The following SCARA5 variants were observed in gnomAD, a reference collection of about 807,000 sequenced individuals.
The protein encoded by SCARA5 is scavenger receptor class A member 5, also known as scavenger receptor class A, member 5 (putative).
In SCARA5, 45 loss-of-function variants were observed where a neutral mutation model predicts 46.3. The observed-to-expected ratio is 0.97, with a 90% CI of 0.76 to 1.24. The LOEUF (loss-of-function observed/expected upper bound fraction) is 1.24, where lower values mean the gene tolerates loss of function less well. Ranked by LOEUF, SCARA5 falls within the 50% of genes most tolerant of loss-of-function variation. SCARA5 has a pLI of 0.00. For synonymous variants in SCARA5, 333 were observed against 306.5 expected (o/e 1.09, Z -0.90); for missense variants, 680 against 689.0 (o/e 0.99, Z 0.15).
At chr8:27,942,210 T>A (rs1004295191) in intron 3 of SCARA5, among the ~76,000 whole-genome samples, 3 of 152,154 alleles carry the variant, frequency 2.0e-5, no homozygotes, top group Non-Finnish European at 2.9e-5. Context: ...GCCTCGAGAC[T>A]GAGTCTTGCA....
At chr8:27,884,403 C>T (rs981648489) in intron 7 of SCARA5, among the ~76,000 whole-genome samples, 2 of 152,238 alleles carry the variant, frequency 1.3e-5, no homozygotes, top group South Asian at 2.1e-4. Flanking sequence ...CAAGAGGGAC[C>T]CGGCCGCTGC....
intron 3 of SCARA5, among the ~76,000 whole-genome samples, chr8:27,929,421 G>T (rs1240258071): frequency 6.6e-6 from 1 of 152,236 alleles, no homozygotes; most frequent in Non-Finnish European, 1.5e-5. Flanking sequence ...TGGGAGGGAA[G>T]AAGGAAGCTA....
chr8:27,906,535 C>T (rs919739104), intron 6 of SCARA5, among the ~76,000 whole-genome samples: 4 of 152,166 alleles, frequency 2.6e-5, no homozygotes, highest in African/African-American at 9.7e-5. Flanking sequence ...TGGTGTCTGC[C>T]CTGCAGGCCC....
chr8:27,908,238 A>T (rs1807302241), intron 5 of SCARA5, among the ~76,000 whole-genome samples: 1 of 152,200 alleles, frequency 6.6e-6, no homozygotes, highest in Non-Finnish European at 1.5e-5. Context: ...ACACACAGGG[A>T]GGTATAGCAA....
chr8:27,965,497 G>A (rs746881311), intron 3 of SCARA5, among the ~76,000 whole-genome samples: 15 of 151,240 alleles, frequency 9.9e-5, no homozygotes, highest in Non-Finnish European at 1.9e-4. Context: ...AGTGCCCGCT[G>A]CATTCTGCCT....
At chr8:27,891,284 C>A (rs2129705678) in intron 7 of SCARA5, among the ~76,000 whole-genome samples, 1 of 151,786 alleles carries the variant, frequency 6.6e-6, no homozygotes, top group East Asian at 1.9e-4. Flanking sequence ...CGGCTCACTG[C>A]AACCTTCACC....
chr8:27,880,149 AG>A (rs1331783180), intron 7 of SCARA5, among the ~76,000 whole-genome samples: 1 of 44,074 alleles, frequency 2.3e-5, no homozygotes, highest in Non-Finnish European at 4.7e-5. Flanking sequence ...CGTATGCAGA[AG>A]AATGAAACTG....
chr8:27,889,705 A>G (rs1319316058), intron 7 of SCARA5, among the ~76,000 whole-genome samples: 1 of 152,230 alleles, frequency 6.6e-6, no homozygotes, highest in East Asian at 1.9e-4. Context: ...ACTAAAATTC[A>G]TAGAAACAGC....
At chr8:27,917,790 T>C (rs1371986944) in intron 4 of SCARA5, among the ~76,000 whole-genome samples, 1 of 152,204 alleles carries the variant, frequency 6.6e-6, no homozygotes, top group East Asian at 1.9e-4. Flanking sequence ...TATTAGTTAG[T>C]TCCTGAACAC....
chr8:27,897,761 G>A (rs372751528), intron 7 of SCARA5, among the ~76,000 whole-genome samples: 5 of 152,208 alleles, frequency 3.3e-5, no homozygotes, highest in African/African-American at 7.2e-5. Flanking sequence ...TAGATAAGGC[G>A]TCACAGCAGC....
chr8:27,950,292 A>G (rs926718263), intron 3 of SCARA5, among the ~76,000 whole-genome samples: 1 of 152,158 alleles, frequency 6.6e-6, no homozygotes, highest in South Asian at 2.1e-4. Context: ...GTTGCCAGGA[A>G]TATGCACGAC....
intron 5 of SCARA5, 110 bp downstream of exon 5, chr8:27,909,553 T>A: frequency 1.4e-6 from 1 of 698,366 alleles, no homozygotes; most frequent in Non-Finnish European, 2.4e-6. Context: ...TGAGGCGGAG[T>A]TGATTGGGCA....
At chr8:27,951,223 C>T (rs1808121524) in intron 3 of SCARA5, among the ~76,000 whole-genome samples, 1 of 152,210 alleles carries the variant, frequency 6.6e-6, no homozygotes, top group Non-Finnish European at 1.5e-5. Context: ...AGAAAGGTCA[C>T]AGTTTAGTGT....
At chr8:27,904,630 G>C (rs1807220666) in intron 7 of SCARA5, 148 bp downstream of exon 7, 27 of 771,376 alleles carry the variant, frequency 3.5e-5, no homozygotes, top group South Asian at 3.4e-4. Context: ...TAGACCAGCA[G>C]AGCCCTAAAA....
At chr8:27,957,245 G>A (rs1211612922) in intron 3 of SCARA5, among the ~76,000 whole-genome samples, 1 of 152,190 alleles carries the variant, frequency 6.6e-6, no homozygotes, top group Non-Finnish European at 1.5e-5. Flanking sequence ...TGGCTCCTGG[G>A]ATAGAAATCA....
In SCARA5 at chr8:27,978,095, T is replaced by C. The variant is rs1392557937; in HGVS notation, c.112+9409A>G. ...AGACTGGAGTGCAGTGGCGCGATCT[T>C]GGCTCACTGCAACCTCTGCCTCCCA... On this transcript the variant is annotated intron_variant, in intron 2 of 8. Transcript: ENST00000354914. Among the ~76,000 whole-genome samples the C allele has an allele frequency of 8.7e-5, 13 of 149,268 alleles. No homozygotes were observed. The East Asian group carries it at 2.1e-3, about 25-fold the overall frequency.
chr8:27,901,933 TG>T (rs1214600507), intron 7 of SCARA5, among the ~76,000 whole-genome samples: 11 of 152,200 alleles, frequency 7.2e-5, no homozygotes, highest in Non-Finnish European at 1.5e-5. Flanking sequence ...TCCTCCCCTA[TG>T]GGCCTCTGAA....
intron 4 of SCARA5, 48 bp downstream of exon 4, chr8:27,921,523 C>A: frequency 1.0e-5 from 15 of 1,476,968 alleles, no homozygotes; most frequent in Non-Finnish European, 1.2e-5. Flanking sequence ...AGGAGGAAGA[C>A]CCCATCAGAA....
intron 3 of SCARA5, among the ~76,000 whole-genome samples, chr8:27,941,675 GTAGGCATTAA>G (rs1458937073): frequency 1.3e-5 from 2 of 151,828 alleles, no homozygotes; most frequent in African/African-American, 4.8e-5. Flanking sequence ...TCTCAGATTT[GTAGGCATTAA>G]TATTTATAGA....
Sources: allele counts gnomAD v4.1 joint callset (sites outside exome capture counted in the v4.1 genomes callset), GRCh38; gene constraint gnomAD v4.1.1; transcripts MANE v1.5; gene names NCBI Gene and HGNC (gene_info 2026-07-23, HGNC 2026-07-21).